Variants in WFDC11 observed in about 807,000 individuals in gnomAD.
The protein encoded by WFDC11 is protein WFDC11.
A neutral mutation model predicts 9.9 loss-of-function variants in WFDC11; 9 were observed. The observed-to-expected ratio is 0.91, with a 90% CI of 0.55 to 1.58. The LOEUF (loss-of-function observed/expected upper bound fraction) is 1.58. Among genes scored for constraint, WFDC11 ranks in the 40% most tolerant of loss-of-function variants. WFDC11 has a pLI of 0.00. For synonymous variants in WFDC11, 32 were observed against 33.3 expected (o/e 0.96, Z 0.13); for missense variants, 106 against 101.7 (o/e 1.04, Z -0.18).
At chr20:45,668,238 T>C (rs1238273083) in intron 1 of WFDC11, among the ~76,000 whole-genome samples, 1 of 152,172 alleles carries the variant, frequency 6.6e-6, no homozygotes, top group East Asian at 1.9e-4. Flanking sequence ...GGAAGGGAAA[T>C]TTCAGGAGCT....
intron 3 of WFDC11, among the ~76,000 whole-genome samples, chr20:45,650,257 G>T (rs1039903025): frequency 1.7e-4 from 26 of 152,144 alleles, no homozygotes; most frequent in African/African-American, 4.6e-4. Context: ...TAGAGAGAGA[G>T]AGAGAGAGAC....
rs975659426 is a variant in WFDC11, at chr20:45,650,588, T to A, written c.13A>T (p.Met5Leu). Residue 5 changes from methionine to leucine, a missense_variant, in exon 3 of 5, where the codon ATG becomes TTG. Coordinates refer to ENST00000324384, the MANE Select transcript of WFDC11 (RefSeq NM_147197.2). The stretch of plus-strand genomic sequence containing the variant: ...ATGAGCATGGGTATCCAGAGCTTCA[T>A]GAGGCTGACCATATGTGTCTGAATA... Reference protein sequence around the residue: MVSLMKLWIPMLMTF... With the variant: MVSLLKLWIPMLMTF... 1.2e-6 allele frequency: 2 copies of A among 1,614,106 alleles called. No homozygotes were observed. Among genetic ancestry groups the A allele is most frequent in the African/African-American group, 1.3e-5 (1 of 75,048 alleles).
intron 2 of WFDC11, among the ~76,000 whole-genome samples, chr20:45,655,081 A>C (rs1331818387): frequency 6.6e-6 from 1 of 152,216 alleles, no homozygotes; most frequent in Non-Finnish European, 1.5e-5. Context: ...AACCCATTTT[A>C]TGAGGCCAGC....
chr20:45,652,596 G>A (rs1025905920), intron 2 of WFDC11, among the ~76,000 whole-genome samples: 1 of 152,218 alleles, frequency 6.6e-6, no homozygotes, highest in Non-Finnish European at 1.5e-5. Context: ...TGACTTTGAT[G>A]AGTTGAGAGA....
At chr20:45,662,630 C>A (rs562600298) in intron 2 of WFDC11, among the ~76,000 whole-genome samples, 16 of 151,964 alleles carry the variant, frequency 1.1e-4, no homozygotes, top group Non-Finnish European at 1.8e-4. Context: ...TAGCATGAAG[C>A]GTTGTTGAAT....
chr20:45,650,623 A>C lies in WFDC11; in HGVS notation c.-23T>G, dbSNP rs1379544655. ...CATATGTGTCTGAATATGTGTTGTC[A>C]GAAGGATTATTTTTCTTCCCAGTCG... On this transcript the variant is annotated 5_prime_UTR_variant, in exon 3 of 5. Transcript: ENST00000324384. 2 of 1,592,736 alleles carry C rather than the reference A, an allele frequency of 1.3e-6. No individual in the cohort carries two copies. Among genetic ancestry groups the C allele is most frequent in the African/African-American group, 2.9e-5 (2 of 69,526 alleles).
At chr20:45,649,127 G>C (rs1982746853) in intron 4 of WFDC11, 130 bp downstream of exon 4, 11 of 1,115,860 alleles carry the variant, frequency 9.9e-6, no homozygotes, top group Non-Finnish European at 1.3e-6. Context: ...AAGTTAAAGG[G>C]ACATTGTCTT....
At chr20:45,648,771 C>T (rs201254677) in intron 4 of WFDC11, 32 bp from the exon 5 acceptor site, 2 of 1,611,798 alleles carry the variant, frequency 1.2e-6, no homozygotes, top group Non-Finnish European at 8.5e-7. Context: ...TTTTTAGAGG[C>T]TAGAGAACTC....
intron 2 of WFDC11, among the ~76,000 whole-genome samples, chr20:45,657,653 T>C (rs992403080): frequency 2.6e-5 from 4 of 152,200 alleles, no homozygotes; most frequent in African/African-American, 7.2e-5. Context: ...AAAGCAGCCA[T>C]GAACAAGTAC....
At chr20:45,649,544 G>T in intron 3 of WFDC11, 145 bp from the exon 4 acceptor site, 1 of 915,400 alleles carries the variant, frequency 1.1e-6, no homozygotes, top group Non-Finnish European at 1.6e-6. Context: ...TAAGGGAATT[G>T]CCTTCATGAG....
In WFDC11 at chr20:45,653,231, C is replaced by T. The variant is rs577827720; in HGVS notation, c.-51-2580G>A. 6.6e-5 allele frequency among the ~76,000 whole-genome samples: 10 copies of T among 152,166 alleles called. No homozygotes were observed. In the East Asian group the frequency reaches 1.2e-3, roughly 18 times the overall value. On this transcript the variant is annotated intron_variant, in intron 2 of 4. Coordinates refer to ENST00000324384, the MANE Select transcript of WFDC11 (RefSeq NM_147197.2). The stretch of plus-strand genomic sequence containing the variant: ...CCCATCAGACTAACAGTGGATCTCT[C>T]GGCAGAAACTCTACAAGCCAGAAGA...
intron 2 of WFDC11, among the ~76,000 whole-genome samples, chr20:45,663,963 A>C (rs888835331): frequency 2.0e-5 from 3 of 152,152 alleles, no homozygotes; most frequent in Non-Finnish European, 4.4e-5. Context: ...AGCTGAGTTC[A>C]AGTCCTGGAT....
intron 2 of WFDC11, among the ~76,000 whole-genome samples, chr20:45,665,820 A>G (rs1983177113): frequency 6.6e-6 from 1 of 152,134 alleles, no homozygotes; most frequent in Non-Finnish European, 1.5e-5. Flanking sequence ...ACTTGGCCAT[A>G]TGAGGTGTCT....
chr20:45,650,642 C>G lies in WFDC11; in HGVS notation c.-42G>C. 1 of 1,524,788 alleles carries G rather than the reference C, an allele frequency of 6.6e-7. No individual in the cohort carries two copies. Among genetic ancestry groups the G allele is most frequent in the Non-Finnish European group, 9.1e-7 (1 of 1,099,142 alleles). The allele number at this position is 1,524,788 out of a possible 1,614,324, so 94.5% of individuals were successfully genotyped here. ...GTTGTCAGAAGGATTATTTTTCTTC[C>G]CAGTCGCTGCTAGAGATCAAGACAT... On this transcript the variant is annotated 5_prime_UTR_variant, in exon 3 of 5. Transcript: ENST00000324384.
Position 45,648,689 on chromosome 20 carries a change from C to T in WFDC11, c.*30G>A. ...CCTCTTAAACATTTCCCAGCCCACACAGGTGGCAGCCTGGTGGGAAGCTAC... is the reference window on the plus strand; with the variant it reads ...CCTCTTAAACATTTCCCAGCCCACATAGGTGGCAGCCTGGTGGGAAGCTAC... On this transcript the variant is annotated 3_prime_UTR_variant, in exon 5 of 5. Transcript: ENST00000324384. 2.5e-6 allele frequency: 4 copies of T among 1,613,686 alleles called. No individual in the cohort carries two copies. The highest frequency in any genetic ancestry group is 1.1e-5 in the South Asian group (1 of 91,056).
At chr20:45,668,848 A>G (rs1983239791) in intron 1 of WFDC11, among the ~76,000 whole-genome samples, 1 of 152,212 alleles carries the variant, frequency 6.6e-6, no homozygotes, top group South Asian at 2.1e-4. Flanking sequence ...TCCCTATTGT[A>G]GAAATTCACT....
chr20:45,665,309 A>G (rs1326707257), intron 2 of WFDC11, among the ~76,000 whole-genome samples: 3 of 152,176 alleles, frequency 2.0e-5, no homozygotes, highest in Non-Finnish European at 4.4e-5. Context: ...CTGGTTAGCC[A>G]TTCATCTGAC....
At chr20:45,650,967 G>A (rs1434417679) in intron 2 of WFDC11, among the ~76,000 whole-genome samples, 2 of 152,124 alleles carry the variant, frequency 1.3e-5, no homozygotes, top group Admixed American at 6.5e-5. Flanking sequence ...TGTTACACAG[G>A]AAAACTTGTA....
intron 1 of WFDC11, among the ~76,000 whole-genome samples, chr20:45,668,838 TC>T (rs1168880351): frequency 1.3e-5 from 2 of 152,210 alleles, no homozygotes; most frequent in Non-Finnish European, 2.9e-5. Context: ...TTTCAGTTTT[TC>T]CCTATTGTAG....
Sources: allele counts gnomAD v4.1 joint callset (sites outside exome capture counted in the v4.1 genomes callset), GRCh38; gene constraint gnomAD v4.1.1; transcripts MANE v1.5; gene names NCBI Gene and HGNC (gene_info 2026-07-23, HGNC 2026-07-21).